GABRB3: variants seen among roughly 807,000 people sequenced by gnomAD.
GABRB3 encodes gamma-aminobutyric acid receptor subunit beta-3.
In GABRB3, 14 loss-of-function variants were observed where a neutral mutation model predicts 52.1. The observed-to-expected ratio is 0.27, with a 90% CI of 0.18 to 0.42. GABRB3 has a LOEUF of 0.42. GABRB3 is among the 10% of genes least tolerant of loss of function. The pLI, the probability that GABRB3 is intolerant of heterozygous loss-of-function variation, is 1.00. For synonymous variants in GABRB3, 260 were observed against 232.3 expected (o/e 1.12, Z -1.08); for missense variants, 307 against 609.1 (o/e 0.50, Z 5.22).
At chr15:26,712,948 C>G (rs1017053666) in intron 3 of GABRB3, among the ~76,000 whole-genome samples, 5 of 152,246 alleles carry the variant, frequency 3.3e-5, no homozygotes, top group Non-Finnish European at 2.9e-5. Context: ...TTCGGAAACT[C>G]CGCATCATGC....
At chr15:26,724,596 T>A (rs1055693380) in intron 3 of GABRB3, among the ~76,000 whole-genome samples, 1 of 152,074 alleles carries the variant, frequency 6.6e-6, no homozygotes, top group African/African-American at 2.4e-5. Flanking sequence ...CTACAGCAGA[T>A]GTACAGTGAG....
At chr15:26,695,448 A>G (rs866228085) in intron 3 of GABRB3, among the ~76,000 whole-genome samples, 1 of 151,490 alleles carries the variant, frequency 6.6e-6, no homozygotes, top group African/African-American at 2.4e-5. Context: ...ACATAGTTCA[A>G]TTGTTGAAAG....
intron 3 of GABRB3, among the ~76,000 whole-genome samples, chr15:26,731,617 A>G (rs1195264049): frequency 2.0e-5 from 3 of 152,142 alleles, no homozygotes; most frequent in Non-Finnish European, 2.9e-5. Flanking sequence ...AGTTTATAAG[A>G]TAATGGCCTT....
rs564482724 is a variant in GABRB3 at position 26,730,349 on chromosome 15, C to G, written c.240+42053G>C. 2.8e-3 allele frequency among the ~76,000 whole-genome samples: 392 copies of G among 139,022 alleles called. 2 individuals are homozygous for G. The highest frequency in any genetic ancestry group is 0.011 in the Admixed American group (140 of 12,536). 91.2% of individuals were successfully genotyped at this position (139,022 alleles called of 152,430 possible). ...AGGAGAATGGCGTGAACCCGGGAGG[C>G]GGAGCTTGCAGTGAGCCGAGATCGC... On this transcript the variant is annotated intron_variant, in intron 3 of 8. Coordinates refer to ENST00000311550, the MANE Select transcript of GABRB3 (RefSeq NM_000814.6).
chr15:26,707,113 C>T (rs1889127437), intron 3 of GABRB3, among the ~76,000 whole-genome samples: 1 of 152,138 alleles, frequency 6.6e-6, no homozygotes, highest in African/African-American at 2.4e-5. Context: ...TAACAAAATG[C>T]ACCAGATGCC....
At chr15:26,586,044 G>C (rs985329430) in intron 4 of GABRB3, among the ~76,000 whole-genome samples, 1 of 152,080 alleles carries the variant, frequency 6.6e-6, no homozygotes, top group African/African-American at 2.4e-5. Flanking sequence ...TGTCGCCCAG[G>C]CTTGAGTGCA....
At chr15:26,770,092 T>C (rs1891106201) in intron 3 of GABRB3, among the ~76,000 whole-genome samples, 1 of 152,212 alleles carries the variant, frequency 6.6e-6, no homozygotes, top group East Asian at 1.9e-4. Context: ...GAGGCTCCTT[T>C]AGGAACAGGT....
At chr15:26,757,342 C>A (rs1890691553) in intron 3 of GABRB3, among the ~76,000 whole-genome samples, 1 of 152,120 alleles carries the variant, frequency 6.6e-6, no homozygotes, top group Admixed American at 6.6e-5. Context: ...ATTATTCATT[C>A]TTCACACATT....
At chr15:26,557,509 T>C (rs895594265) in intron 8 of GABRB3, 1 of 152,232 alleles carries the variant, frequency 6.6e-6, no homozygotes, top group African/African-American at 2.4e-5. Flanking sequence ...TTGATTCTTT[T>C]CTCATGTTCC....
intron 8 of GABRB3, 75 bp downstream of exon 8, chr15:26,560,857 G>T (rs1889954057): frequency 1.9e-6 from 3 of 1,601,564 alleles, no homozygotes; most frequent in African/African-American, 1.3e-5. Flanking sequence ...AAAAAACAAA[G>T]AAATATCATG....
intron 8 of GABRB3, among the ~76,000 whole-genome samples, chr15:26,556,228 C>T (rs372662694): frequency 1.1e-4 from 17 of 152,272 alleles, no homozygotes; most frequent in East Asian, 9.6e-4. Context: ...AAACATTCAA[C>T]GACTAAAAAC....
chr15:26,699,730 A>G (rs185947550), intron 3 of GABRB3, among the ~76,000 whole-genome samples: 1 of 152,230 alleles, frequency 6.6e-6, no homozygotes, highest in East Asian at 1.9e-4. Context: ...AGGACATTGC[A>G]TTAGAAACAA....
At chr15:26,597,944 G>C (rs1270386351) in intron 4 of GABRB3, among the ~76,000 whole-genome samples, 1 of 152,256 alleles carries the variant, frequency 6.6e-6, no homozygotes, top group African/African-American at 2.4e-5. Context: ...GAAGCCCCAA[G>C]TCCCTGCTCT....
At chr15:26,608,196 A>G (rs1891916404) in intron 4 of GABRB3, among the ~76,000 whole-genome samples, 1 of 152,060 alleles carries the variant, frequency 6.6e-6, no homozygotes, top group African/African-American at 2.4e-5. Flanking sequence ...TTTGCCAAGA[A>G]TATGCAATGG....
rs2057769143 is a variant in GABRB3, at chr15:26,741,899, C to T, written c.240+30503G>A. Reference sequence around the variant, plus strand: ...TCTTTGGAGAGTTTTACCCAATTGTCTGACAGTATTTATGCTAATTTAACC... The same window carrying T: ...TCTTTGGAGAGTTTTACCCAATTGTTTGACAGTATTTATGCTAATTTAACC... On this transcript the variant is annotated intron_variant, in intron 3 of 8. Transcript: ENST00000311550. Among the ~76,000 whole-genome samples, 3 of 152,170 alleles carry T rather than the reference C, an allele frequency of 2.0e-5. No homozygotes were observed. The South Asian group carries it at 6.2e-4, about 31-fold the overall frequency.
intron 3 of GABRB3, among the ~76,000 whole-genome samples, chr15:26,643,621 A>C (rs1893271224): frequency 3.6e-5 from 4 of 110,756 alleles, no homozygotes; most frequent in Middle Eastern, 8.6e-3. Flanking sequence ...CTTTCATGAC[A>C]CTGTGTGTGT....
chr15:26,609,127 C>T (rs1207230663), intron 4 of GABRB3, among the ~76,000 whole-genome samples: 1 of 146,750 alleles, frequency 6.8e-6, no homozygotes, highest in Non-Finnish European at 1.5e-5. Flanking sequence ...CACACACACA[C>T]ACACACACAA....
chr15:26,580,592 A>G, intron 5 of GABRB3, 136 bp from the exon 6 acceptor site: 1 of 1,086,350 alleles, frequency 9.2e-7, no homozygotes, highest in Non-Finnish European at 1.4e-6. Flanking sequence ...TGTCTAGGGG[A>G]AGTGTCATCA....
At chr15:26,688,951 T>A (rs1888492304) in intron 3 of GABRB3, among the ~76,000 whole-genome samples, 1 of 152,238 alleles carries the variant, frequency 6.6e-6, no homozygotes, top group African/African-American at 2.4e-5. Context: ...CTTATGCAGA[T>A]CCTAAAGCAG....
Sources: gnomAD v4.1 joint callset for allele counts (sites outside exome capture counted in the v4.1 genomes callset) on GRCh38, gnomAD v4.1.1 for gene constraint, MANE v1.5 for transcripts, NCBI Gene and HGNC (gene_info 2026-07-23, HGNC 2026-07-21) for gene names.